Variants in ACO1 observed in about 807,000 individuals in gnomAD.
The protein encoded by ACO1 is aconitase 1.
In ACO1, 78 loss-of-function variants were observed where a neutral mutation model predicts 105.1. That is an observed-to-expected ratio of 0.74 (90% CI 0.62 to 0.90). ACO1 has a LOEUF of 0.90. ACO1 is among the 40% of genes least tolerant of loss of function. The pLI, the probability that ACO1 is intolerant of heterozygous loss-of-function variation, is 0.00. For synonymous variants in ACO1, 364 were observed against 397.4 expected (o/e 0.92, Z 1.00); for missense variants, 965 against 1,111.1 (o/e 0.87, Z 1.87).
At chr9:32,421,407 C>G (rs1229948280) in intron 8 of ACO1, among the ~76,000 whole-genome samples, 1 of 152,120 alleles carries the variant, frequency 6.6e-6, no homozygotes, top group African/African-American at 2.4e-5. Context: ...GATTGATTGA[C>G]TAGTTAATTA....
chr9:32,385,590 CAG>C (rs1281243541), intron 1 of ACO1, among the ~76,000 whole-genome samples: 1 of 152,106 alleles, frequency 6.6e-6, no homozygotes, highest in East Asian at 1.9e-4. Context: ...TTTCCCAAAA[CAG>C]AAAATGATTG....
chr9:32,430,562 A>AAGATTGGGT lies in ACO1; in HGVS notation c.1715_1716insGATTGGGTA (p.Lys572_Glu573insIleGlyTer). 6.2e-7 allele frequency: 1 copy of AAGATTGGGT among 1,604,810 alleles called. No individual in the cohort carries two copies. Among genetic ancestry groups the AAGATTGGGT allele is most frequent in the South Asian group, 1.1e-5 (1 of 88,998 alleles). On this transcript the variant is annotated stop_gained and inframe_insertion, in exon 14 of 21. Transcript: ENST00000309951. LOFTEE classifies it high-confidence loss of function. The stretch of plus-strand genomic sequence containing the variant: ...TGGAACCATCAGAATCGACTTTGAG[A>AAGATTGGGT]AAGAGCCATTGGGTAAGATTTTGTT...
intron 1 of ACO1, among the ~76,000 whole-genome samples, chr9:32,403,481 T>C (rs1821542120): frequency 6.6e-6 from 1 of 152,202 alleles, no homozygotes; most frequent in Non-Finnish European, 1.5e-5. Context: ...AGCCACCATA[T>C]TGGTCACTAT....
chr9:32,392,587 T>C (rs1285321347), intron 1 of ACO1, among the ~76,000 whole-genome samples: 1 of 152,194 alleles, frequency 6.6e-6, no homozygotes, highest in Non-Finnish European at 1.5e-5. Context: ...GGAGATCTTA[T>C]CCCAGATCCA....
chr9:32,407,352 T>A lies in ACO1; in HGVS notation c.189T>A (p.Ile63=). Reference sequence around the variant, plus strand: ...TGAAGAAACAGGATATTGAAAATATTCTACATTGGAATGTCACGCAGCACA... The same window carrying A: ...TGAAGAAACAGGATATTGAAAATATACTACATTGGAATGTCACGCAGCACA... The part of the protein sequence containing the change: ...FLVKKQDIEN[I]LHWNVTQHKN... The change falls in exon 3 of 21, where the codon ATT becomes ATA. Residue 63 remains isoleucine (I), a synonymous_variant. Coordinates refer to ENST00000309951, the MANE Select transcript of ACO1 (RefSeq NM_002197.3). The A allele has an allele frequency of 6.2e-7, 1 of 1,614,122 alleles. No homozygotes were observed. The highest frequency in any genetic ancestry group is 8.5e-7 in the Non-Finnish European group (1 of 1,179,976).
chr9:32,415,680 G>A (rs757954715), intron 4 of ACO1, among the ~76,000 whole-genome samples: 16 of 152,152 alleles, frequency 1.1e-4, no homozygotes, highest in East Asian at 5.8e-4. Context: ...TGCCGGTGTC[G>A]GTGCAGGTGT....
chr9:32,421,328 G>A lies in ACO1; in HGVS notation c.970+301G>A, dbSNP rs137938186. Reference sequence around the variant, plus strand: ...CTTAGTAATGGTTACTGCTGCCTATGGGGTACTTGCTGTGTACCAGGTACC... The same window carrying A: ...CTTAGTAATGGTTACTGCTGCCTATAGGGTACTTGCTGTGTACCAGGTACC... On this transcript the variant is annotated intron_variant, in intron 8 of 20. Transcript: ENST00000309951. Among the ~76,000 whole-genome samples the A allele has an allele frequency of 9.9e-5, 15 of 152,230 alleles. No homozygotes were observed. In the East Asian group the frequency reaches 2.3e-3, roughly 24 times the overall value.
intron 4 of ACO1, among the ~76,000 whole-genome samples, chr9:32,413,829 C>CA (rs1821793270): frequency 6.7e-6 from 1 of 148,304 alleles, no homozygotes; most frequent in Non-Finnish European, 1.5e-5. Context: ...GTTACCTCAC[C>CA]TTTTTTTTTT....
intron 19 of ACO1, among the ~76,000 whole-genome samples, chr9:32,443,931 A>G (rs1277299378): frequency 6.6e-6 from 1 of 152,204 alleles, no homozygotes; most frequent in Admixed American, 6.5e-5. Flanking sequence ...TCAACCCATC[A>G]TCTACATTAG....
In ACO1 at chr9:32,454,456, G is replaced by A. The variant is rs1822834950; in HGVS notation, c.*4345G>A. The A allele has an allele frequency of 1.3e-5, 2 of 151,862 alleles. No individual in the cohort carries two copies. The highest frequency in any genetic ancestry group is 2.1e-4 in the South Asian group (1 of 4,824). The allele number at this position is 151,862 out of a possible 1,614,324, so 9.4% of individuals were successfully genotyped here. A position where few individuals can be genotyped will look rare whatever the true frequency, so the allele number is the denominator to read the frequency against. On this transcript the variant is annotated 3_prime_UTR_variant, in exon 21 of 21. Coordinates refer to ENST00000309951, the MANE Select transcript of ACO1 (RefSeq NM_002197.3). ...CATCAGCACAGGCCAGGACCACAGA[G>A]ATAACAAGGTGGTAGTTGTGTAACA... is the stretch of plus-strand genomic sequence containing the variant.
intron 4 of ACO1, 84 bp from the exon 5 acceptor site, chr9:32,418,042 TCC>T: frequency 8.4e-7 from 1 of 1,191,290 alleles, no homozygotes; most frequent in Non-Finnish European, 1.2e-6. Context: ...GAGATGCAAT[TCC>T]ATTTTGTTTC....
At chr9:32,386,697 A>G in intron 1 of ACO1, among the ~76,000 whole-genome samples, 1 of 152,236 alleles carries the variant, frequency 6.6e-6, no homozygotes. Context: ...AGAAGTCCAC[A>G]GGAGAAGGAA....
chr9:32,387,827 AG>A (rs1167365123), intron 1 of ACO1, among the ~76,000 whole-genome samples: 1 of 152,268 alleles, frequency 6.6e-6, no homozygotes, highest in Non-Finnish European at 1.5e-5. Context: ...TACAAAAACA[AG>A]GGCCAGCCAT....
intron 4 of ACO1, among the ~76,000 whole-genome samples, chr9:32,414,501 A>T (rs1174190937): frequency 6.6e-6 from 1 of 152,222 alleles, no homozygotes; most frequent in Admixed American, 6.5e-5. Context: ...ATAGGGTTTT[A>T]CCTGGAATTA....
intron 17 of ACO1, among the ~76,000 whole-genome samples, chr9:32,435,345 G>A (rs570595395): frequency 6.6e-6 from 1 of 152,068 alleles, no homozygotes; most frequent in Non-Finnish European, 1.5e-5. Context: ...TCTATTGATT[G>A]TTGAGCCCTT....
intron 7 of ACO1, among the ~76,000 whole-genome samples, chr9:32,419,536 A>G (rs1331831523): frequency 1.3e-5 from 2 of 152,250 alleles, no homozygotes; most frequent in Non-Finnish European, 2.9e-5. Flanking sequence ...TAAAGAAATA[A>G]TATGTAATAT....
At chr9:32,449,566 G>A (rs1458540546) in intron 20 of ACO1, among the ~76,000 whole-genome samples, 1 of 152,170 alleles carries the variant, frequency 6.6e-6, no homozygotes, top group Non-Finnish European at 1.5e-5. Flanking sequence ...GACAGAGGCA[G>A]TGCAAAAGTC....
At chr9:32,410,541 C>G (rs1418592585) in intron 4 of ACO1, among the ~76,000 whole-genome samples, 1 of 150,614 alleles carries the variant, frequency 6.6e-6, no homozygotes, top group African/African-American at 2.4e-5. Flanking sequence ...GCCTGGGCGA[C>G]AGAGCAAGAC....
intron 1 of ACO1, among the ~76,000 whole-genome samples, chr9:32,403,588 A>C (rs541147833): frequency 6.6e-6 from 1 of 152,340 alleles, no homozygotes; most frequent in African/African-American, 2.4e-5. Flanking sequence ...TTGTAGCTAC[A>C]GGGAAGTAAA....
Sources: allele counts gnomAD v4.1 joint callset (sites outside exome capture counted in the v4.1 genomes callset), GRCh38; gene constraint gnomAD v4.1.1; transcripts MANE v1.5; gene names NCBI Gene and HGNC (gene_info 2026-07-23, HGNC 2026-07-21).